The following POLA2 variants were observed in gnomAD, a reference collection of about 807,000 sequenced individuals.
POLA2 encodes the protein DNA polymerase alpha subunit B.
In POLA2, 47 loss-of-function variants were observed where a neutral mutation model predicts 82.8. That is an observed-to-expected ratio of 0.57 (90% CI 0.45 to 0.72). POLA2 has a LOEUF of 0.72. Among genes scored for constraint, POLA2 ranks in the 30% least tolerant of loss-of-function variants. The probability of loss-of-function intolerance (pLI) is 0.00; values close to 1 mark genes in which losing one functional copy is unlikely to be tolerated. For missense variants in POLA2, 634 were observed against 728.1 expected (o/e 0.87, Z 1.49); for synonymous variants, 287 against 286.8 (o/e 1.00, Z -0.01).
intron 2 of POLA2, 89 bp from the exon 3 acceptor site, chr11:65,267,388 G>T: frequency 1.4e-6 from 1 of 704,304 alleles, no homozygotes; most frequent in East Asian, 2.7e-5. Flanking sequence ...ATTATATTTT[G>T]AATACCTTTT....
intron 10 of POLA2, among the ~76,000 whole-genome samples, chr11:65,284,728 T>C (rs963379144): frequency 2.6e-5 from 4 of 152,216 alleles, no homozygotes; most frequent in African/African-American, 9.6e-5. Context: ...GGTTTCTCCA[T>C]GTTGGTCAGG....
In POLA2 at chr11:65,294,239, A is replaced by T; in HGVS notation, c.1331A>T (p.Asp444Val). 1 of 1,614,038 alleles carries T rather than the reference A, an allele frequency of 6.2e-7. No individual in the cohort carries two copies. The highest frequency in any genetic ancestry group is 8.5e-7 in the Non-Finnish European group (1 of 1,179,940). The change falls in exon 14 of 18, where the codon GAT becomes GTT. Residue 444 changes from aspartate to valine, a missense_variant. Physicochemically the swap from Asp to Val is radical, Grantham distance 152. Transcript: ENST00000265465. ...VYPQPPFSYS[D>V]LSREDKKQVQ... ...CCCCAGCCGCCTTTCAGCTACTCCG[A>T]TCTGTCTCGAGAGGACAAAAAGGTA...
intron 1 of POLA2, among the ~76,000 whole-genome samples, chr11:65,264,897 A>ACTTCCCACTCCAGTTCTCTC: frequency 6.6e-6 from 1 of 152,188 alleles, no homozygotes; most frequent in South Asian, 2.1e-4. Context: ...TGTTGACCCT[A>ACTTCCCACTCCAGTTCTCTC]CTTCCCACTC....
At chr11:65,271,768 G>A (rs1246241441) in intron 4 of POLA2, among the ~76,000 whole-genome samples, 1 of 151,266 alleles carries the variant, frequency 6.6e-6, no homozygotes, top group Admixed American at 6.6e-5. Context: ...GAACCCGGGA[G>A]GTGGAAGTTG....
Position 65,297,551 on chromosome 11 carries a change from G to A in POLA2, c.*282G>A, listed in dbSNP as rs1949826120. Reference sequence around the variant, plus strand: ...CCGCCCACTCAGAAAAGGCGAGAAGGCTTTGTGATTTTCTACATGAATCAA... The same window carrying A: ...CCGCCCACTCAGAAAAGGCGAGAAGACTTTGTGATTTTCTACATGAATCAA... On this transcript the variant is annotated 3_prime_UTR_variant, in exon 18 of 18. Coordinates refer to ENST00000265465, the MANE Select transcript of POLA2 (RefSeq NM_002689.4). The A allele has an allele frequency of 6.6e-6, 2 of 304,684 alleles. No homozygotes were observed. The highest frequency in any genetic ancestry group is 9.5e-5 in the Admixed American group (2 of 21,032). The allele number at this position is 304,684 out of a possible 1,614,324, so 18.9% of individuals were successfully genotyped here. A position where few individuals can be genotyped will look rare whatever the true frequency, so the allele number is the denominator to read the frequency against.
In POLA2 at chr11:65,266,573, T is replaced by C. The variant is rs1489309214; in HGVS notation, c.80-9T>C. On this transcript the variant is annotated splice_polypyrimidine_tract_variant and intron_variant, in intron 1 of 17. Coordinates refer to ENST00000265465, the MANE Select transcript of POLA2 (RefSeq NM_002689.4). ...TAAGTTTTTACTTGTCCAATTTTCC[T>C]TTCTACAGTGGTAGAGCTTTGTGTT... The C allele has an allele frequency of 6.2e-7, 1 of 1,613,482 alleles. No homozygotes were observed. Among genetic ancestry groups the C allele is most frequent in the Non-Finnish European group, 8.5e-7 (1 of 1,179,712 alleles).
intron 10 of POLA2, 47 bp from the exon 11 acceptor site, chr11:65,287,669 T>C (rs901517948): frequency 1.3e-6 from 2 of 1,558,010 alleles, no homozygotes; most frequent in Non-Finnish European, 1.8e-6. Flanking sequence ...CTCCCACCAT[T>C]CTAATACTAG....
At chr11:65,273,165 C>G (rs1032521493) in intron 4 of POLA2, among the ~76,000 whole-genome samples, 16 of 150,834 alleles carry the variant, frequency 1.1e-4, no homozygotes, top group African/African-American at 2.9e-4. Flanking sequence ...ACTAAAAATA[C>G]AAAAATTATC....
At chr11:65,266,386 T>C in intron 1 of POLA2, 196 bp from the exon 2 acceptor site, 1 of 569,448 alleles carries the variant, frequency 1.8e-6, no homozygotes, top group Non-Finnish European at 3.1e-6. Context: ...TCTGCCCTTA[T>C]CCTCTTTTGT....
rs35492423 is a variant in POLA2, at chr11:65,293,608, CAAA to C, written c.1245-528_1245-526del. On this transcript the variant is annotated intron_variant, in intron 13 of 17. Transcript: ENST00000265465. ...TGGGCGACAGAGTGAGGCTCTGTCTCAAAAAAAAAAAAAAAAAAAGCAGTCTCA... is the reference window on the plus strand; with the variant it reads ...TGGGCGACAGAGTGAGGCTCTGTCTCAAAAAAAAAAAAAAAAGCAGTCTCA... Among the ~76,000 whole-genome samples the C allele has an allele frequency of 2.2e-4, 16 of 73,542 alleles. No homozygotes were observed. In the South Asian group the frequency reaches 3.9e-3, roughly 18 times the overall value. 48.2% of individuals were successfully genotyped at this position (73,542 alleles called of 152,430 possible). A position where few individuals can be genotyped will look rare whatever the true frequency, so the allele number is the denominator to read the frequency against.
intron 4 of POLA2, among the ~76,000 whole-genome samples, chr11:65,275,537 C>A (rs1949567894): frequency 6.6e-6 from 1 of 152,100 alleles, no homozygotes; most frequent in South Asian, 2.1e-4. Flanking sequence ...ACACATAGAT[C>A]AAAACTATGC....
Position 65,268,010 on chromosome 11 carries a change from C to G in POLA2, c.296+442C>G, listed in dbSNP as rs529895414. Among the ~76,000 whole-genome samples the G allele has an allele frequency of 7.2e-5, 11 of 152,078 alleles. No individual in the cohort carries two copies. The South Asian group carries it at 1.2e-3, about 17-fold the overall frequency. ...GGTTTCACCATGTTGGCCAGCTGGT[C>G]TCGAACTCCTGACCTCAGGTGATCC... On this transcript the variant is annotated intron_variant, in intron 3 of 17. Coordinates refer to ENST00000265465, the MANE Select transcript of POLA2 (RefSeq NM_002689.4).
chr11:65,288,621 C>T (rs1949723168), intron 11 of POLA2, among the ~76,000 whole-genome samples: 1 of 150,734 alleles, frequency 6.6e-6, no homozygotes, highest in Non-Finnish European at 1.5e-5. Flanking sequence ...AAGTGAGCCT[C>T]CCCTATCCTC....
rs1438944984 is a variant in POLA2, at chr11:65,262,505, G to A, written c.79+134G>A. 12 of 676,114 alleles carry A rather than the reference G, an allele frequency of 1.8e-5. No individual in the cohort carries two copies. In the Middle Eastern group the frequency reaches 1.3e-3, roughly 71 times the overall value. The allele number at this position is 676,114 out of a possible 1,614,324, so 41.9% of individuals were successfully genotyped here. On this transcript the variant is annotated intron_variant, in intron 1 of 17. Coordinates refer to ENST00000265465, the MANE Select transcript of POLA2 (RefSeq NM_002689.4). ...GCAGAGTTCTCGGTGGCTGTGAGATGAAGAATCAAACTTGAGTTTTGAGAT... is the reference window on the plus strand; with the variant it reads ...GCAGAGTTCTCGGTGGCTGTGAGATAAAGAATCAAACTTGAGTTTTGAGAT...
Position 65,297,674 on chromosome 11 carries a change from G to C in POLA2, c.*405G>C, listed in dbSNP as rs1048929289. The C allele has an allele frequency of 6.5e-6, 1 of 154,586 alleles. No individual in the cohort carries two copies. The highest frequency in any genetic ancestry group is 2.4e-5 in the African/African-American group (1 of 41,436). 9.6% of individuals were successfully genotyped at this position (154,586 alleles called of 1,614,324 possible). The stretch of plus-strand genomic sequence containing the variant: ...TTATTTATTTATTTTGTTTTTAGAC[G>C]GAGTCTCGATCTGTCGCCCAGGCTG... On this transcript the variant is annotated 3_prime_UTR_variant, in exon 18 of 18. Transcript: ENST00000265465.
At chr11:65,287,400 T>C (rs750013153) in intron 10 of POLA2, among the ~76,000 whole-genome samples, 11 of 152,194 alleles carry the variant, frequency 7.2e-5, no homozygotes, top group Non-Finnish European at 1.3e-4. Context: ...CCAAAAATTC[T>C]CAAACGTGTT....
chr11:65,279,936 G>A (rs928666490), intron 7 of POLA2: 25 of 285,664 alleles, frequency 8.8e-5, no homozygotes, highest in African/African-American at 5.5e-4. Context: ...AAGCATTCAC[G>A]TATCGAGATA....
At chr11:65,265,757 G>A (rs960268448) in intron 1 of POLA2, among the ~76,000 whole-genome samples, 4 of 152,196 alleles carry the variant, frequency 2.6e-5, no homozygotes, top group Admixed American at 6.5e-5. Context: ...GATTACAGGC[G>A]TGAGCCACTG....
intron 1 of POLA2, among the ~76,000 whole-genome samples, chr11:65,266,305 A>G (rs1036038359): frequency 1.3e-5 from 2 of 152,114 alleles, no homozygotes; most frequent in Non-Finnish European, 2.9e-5. Context: ...CTCCACTGCC[A>G]CCACCTTGAT....
Sources: gnomAD v4.1 joint callset for allele counts (sites outside exome capture counted in the v4.1 genomes callset) on GRCh38, gnomAD v4.1.1 for gene constraint, MANE v1.5 for transcripts, NCBI Gene and HGNC (gene_info 2026-07-23, HGNC 2026-07-21) for gene names.